Variants in FERMT1 observed in about 807,000 individuals in gnomAD.
The protein encoded by FERMT1 is fermitin family homolog 1.
Under a neutral mutation model 85.3 loss-of-function variants are expected in FERMT1, and 60 were observed. The ratio of observed to expected loss-of-function variants is 0.70; its 90% CI spans 0.57 to 0.87. FERMT1 has a LOEUF of 0.87. FERMT1 is among the 40% of genes least tolerant of loss of function. The probability of loss-of-function intolerance (pLI) is 0.00; values close to 1 mark genes in which losing one functional copy is unlikely to be tolerated. For synonymous variants in FERMT1, 275 were observed against 301.1 expected (o/e 0.91, Z 0.90); for missense variants, 701 against 818.9 (o/e 0.86, Z 1.76).
intron 13 of FERMT1, among the ~76,000 whole-genome samples, 165 bp from the exon 14 acceptor site, chr20:6,079,742 A>G (rs1309474836): frequency 6.6e-6 from 1 of 152,250 alleles, no homozygotes; most frequent in East Asian, 1.9e-4. Context: ...ATTGGGATAT[A>G]GACAGCGTGA....
chr20:6,085,004 T>C (rs1982122204), intron 12 of FERMT1, 62 bp downstream of exon 12: 4 of 1,509,632 alleles, frequency 2.6e-6, no homozygotes, highest in Non-Finnish European at 2.8e-6. Flanking sequence ...GAAATCCTCC[T>C]TTTATTTCTG....
chr20:6,085,442 CTAATG>C (rs1982149512), intron 11 of FERMT1, among the ~76,000 whole-genome samples, 155 bp from the exon 12 acceptor site: 1 of 152,198 alleles, frequency 6.6e-6, no homozygotes, highest in African/African-American at 2.4e-5. Context: ...TGCTCATCAG[CTAATG>C]TAACACCTAA....
Position 6,077,385 on chromosome 20 carries a change from A to G in FERMT1, c.1861-39T>C, listed in dbSNP as rs1481016678. On this transcript the variant is annotated intron_variant, in intron 14 of 14. Transcript: ENST00000217289. Reference sequence around the variant, plus strand: ...GCACAGAGAAGCTTAAACTCTGACAAGGAATGATGAAAAAAAAAGTGCTTT... The same window carrying G: ...GCACAGAGAAGCTTAAACTCTGACAGGGAATGATGAAAAAAAAAGTGCTTT... The G allele has an allele frequency of 2.5e-6, 4 of 1,607,534 alleles. No homozygotes were observed. The African/African-American group carries it at 5.5e-5, about 22-fold the overall frequency.
In FERMT1 at chr20:6,107,622, G is replaced by A; in HGVS notation, c.759C>T (p.Ser253=). ...KAKLNAGWLD[S]SRSLMEQGIQ... is the part of the protein sequence containing the mutation. ...TGCCTTGTTCCATAAGGGAGCGTGA[G>A]GAGTCTAGCCAACTAGAAAATGACA... is the stretch of plus-strand genomic sequence containing the variant. Residue 253 remains serine, a synonymous_variant, in exon 6 of 15, where the codon TCC becomes TCT. Coordinates refer to ENST00000217289, the MANE Select transcript of FERMT1 (RefSeq NM_017671.5). 1 of 1,605,668 alleles carries A rather than the reference G, an allele frequency of 6.2e-7. No homozygotes were observed. The highest frequency in any genetic ancestry group is 1.3e-5 in the African/African-American group (1 of 74,894).
chr20:6,110,127 T>C (rs1175390345), intron 5 of FERMT1, among the ~76,000 whole-genome samples, 171 bp downstream of exon 5: 1 of 152,176 alleles, frequency 6.6e-6, no homozygotes, highest in African/African-American at 2.4e-5. Context: ...ACTTTAAATA[T>C]ACTGAAATGA....
intron 13 of FERMT1, among the ~76,000 whole-genome samples, chr20:6,081,197 G>T (rs560851128): frequency 3.3e-5 from 5 of 151,836 alleles, no homozygotes; most frequent in African/African-American, 1.2e-4. Context: ...GATCACATGA[G>T]CCCAGGAGTT....
At chr20:6,077,672 CTTTATT>C (rs1568651395) in intron 14 of FERMT1, among the ~76,000 whole-genome samples, 6 of 152,006 alleles carry the variant, frequency 3.9e-5, no homozygotes. Context: ...TTCGCAGGCA[CTTTATT>C]TTTATTTTTA....
At chr20:6,082,461 CAGGGTTACAGGTG>C (rs2123094681) in intron 13 of FERMT1, among the ~76,000 whole-genome samples, 1 of 152,292 alleles carries the variant, frequency 6.6e-6, no homozygotes, top group African/African-American at 2.4e-5. Context: ...GGGTTGACTT[CAGGGTTACAGGTG>C]AGTGTGTGTG....
intron 1 of FERMT1, among the ~76,000 whole-genome samples, chr20:6,120,228 C>T (rs1484490442): frequency 1.3e-5 from 2 of 152,022 alleles, no homozygotes; most frequent in Non-Finnish European, 2.9e-5. Flanking sequence ...ACCTTAAATA[C>T]ATATAGATAC....
intron 9 of FERMT1, chr20:6,094,193 A>C (rs968857915): frequency 6.6e-6 from 1 of 152,240 alleles, no homozygotes; most frequent in Non-Finnish European, 1.5e-5. Flanking sequence ...GCCCCAGTGA[A>C]GTGCCCGTTG....
rs2123144933 is a variant in FERMT1 at position 6,112,552 on chromosome 20, C to CT, written c.456dup (p.Asp153ArgfsTer4). Reference sequence around the variant, plus strand: ...ATTATGGGTTCCTTATTATTTTTGTCTTTTTTCTTCTTCTTCTTAAAATAG... The same window carrying CT: ...ATTATGGGTTCCTTATTATTTTTGTCTTTTTTTCTTCTTCTTCTTAAAATAG... On this transcript the variant is annotated frameshift_variant, in exon 4 of 15. Coordinates refer to ENST00000217289, the MANE Select transcript of FERMT1 (RefSeq NM_017671.5). LOFTEE classifies it high-confidence loss of function. The CT allele has an allele frequency of 6.2e-7, 1 of 1,610,114 alleles. No homozygotes were observed. Among genetic ancestry groups the CT allele is most frequent in the Non-Finnish European group, 8.5e-7 (1 of 1,177,870 alleles).
Position 6,122,870 on chromosome 20 carries a change from C to T in FERMT1, c.-115G>A, listed in dbSNP as rs1206437605. 4 of 152,616 alleles carry T rather than the reference C, an allele frequency of 2.6e-5. No individual in the cohort carries two copies. The highest frequency in any genetic ancestry group is 9.6e-5 in the African/African-American group (4 of 41,470). The allele number at this position is 152,616 out of a possible 1,614,324, so 9.5% of individuals were successfully genotyped here. ...CCCGGGCCGAGCCGAGGAGCGGGCG[C>T]TGGCGAAGTGGGGAGCGGGGGGCGC... On this transcript the variant is annotated 5_prime_UTR_variant, in exon 1 of 15. Coordinates refer to ENST00000217289, the MANE Select transcript of FERMT1 (RefSeq NM_017671.5).
chr20:6,083,662 C>CT (rs11461821), intron 13 of FERMT1, among the ~76,000 whole-genome samples: 3 of 138,442 alleles, frequency 2.2e-5, no homozygotes, highest in African/African-American at 8.3e-5. Context: ...GACACCCCCC[C>CT]CCCCGGCCAC....
At position 6,119,076 on chromosome 20, in the gene FERMT1, T is replaced by C. The variant is rs939811266; in HGVS notation, c.151+328A>G. ...GATTCTCCTGCCTCAGGCTTCCGAG[T>C]AGCTGGGATTACATGCACCCACCGC... On this transcript the variant is annotated intron_variant, in intron 2 of 14. Coordinates refer to ENST00000217289, the MANE Select transcript of FERMT1 (RefSeq NM_017671.5). Among the ~76,000 whole-genome samples the C allele has an allele frequency of 7.4e-4, 112 of 151,816 alleles. 1 individual carries two copies. Among genetic ancestry groups the C allele is most frequent in the African/African-American group, 2.4e-3 (100 of 41,286 alleles).
chr20:6,077,123 G>C lies in FERMT1; in HGVS notation c.*50C>G, dbSNP rs1243757681. 6.3e-7 allele frequency: 1 copy of C among 1,596,890 alleles called. No homozygotes were observed. Among genetic ancestry groups the C allele is most frequent in the South Asian group, 1.1e-5 (1 of 90,640 alleles). ...GCACGTTAGGGATCCCTCTGGGGAG[G>C]GGCGCCTTTGGCTTGCCTTGTTGGT... On this transcript the variant is annotated 3_prime_UTR_variant, in exon 15 of 15. Transcript: ENST00000217289.
At chr20:6,118,082 A>G (rs1398849280) in intron 2 of FERMT1, among the ~76,000 whole-genome samples, 1 of 152,250 alleles carries the variant, frequency 6.6e-6, no homozygotes, top group Non-Finnish European at 1.5e-5. Flanking sequence ...TGATCTCTGA[A>G]AGACAGGTGT....
Position 6,077,472 on chromosome 20 carries a change from AAC to A in FERMT1, c.1861-128_1861-127del, listed in dbSNP as rs1221667517. On this transcript the variant is annotated intron_variant, in intron 14 of 14. Coordinates refer to ENST00000217289, the MANE Select transcript of FERMT1 (RefSeq NM_017671.5). The stretch of plus-strand genomic sequence containing the variant: ...GGATAACAGATGGATATCCCTCTAA[AAC>A]ACACAGAAAACCATCACTTCCATTA... 1.9e-5 allele frequency: 16 copies of A among 843,234 alleles called. No homozygotes were observed. The South Asian group carries it at 2.3e-4, about 12-fold the overall frequency. 52.2% of individuals were successfully genotyped at this position (843,234 alleles called of 1,614,324 possible).
intron 2 of FERMT1, 104 bp from the exon 3 acceptor site, chr20:6,116,148 A>G: frequency 1.2e-6 from 1 of 813,238 alleles, no homozygotes; most frequent in Non-Finnish European, 2.1e-6. Flanking sequence ...GGAAACCAAC[A>G]ACTGATCTCC....
At position 6,119,355 on chromosome 20, in the gene FERMT1, C is replaced by A. The variant is rs6038363; in HGVS notation, c.151+49G>T. On this transcript the variant is annotated intron_variant, in intron 2 of 14. Transcript: ENST00000217289. ...TACACCAGCCATTAGTGGTGATGCA[C>A]CAGACAGGGTTTCTAATACAGAGAA... 1,593,541 of 1,593,542 alleles carry A rather than the reference C, an allele frequency of 1. 796,770 individuals are homozygous for A. Among genetic ancestry groups the A allele is most frequent in the Middle Eastern group, 1 (5,986 of 5,986 alleles).
Sources: allele counts gnomAD v4.1 joint callset (sites outside exome capture counted in the v4.1 genomes callset), GRCh38; gene constraint gnomAD v4.1.1; transcripts MANE v1.5; gene names NCBI Gene and HGNC (gene_info 2026-07-23, HGNC 2026-07-21).